CA1: variants seen among roughly 807,000 people sequenced by gnomAD.
CA1 encodes the protein carbonic anhydrase 1.
A neutral mutation model predicts 28.8 loss-of-function variants in CA1; 27 were observed. The ratio of observed to expected loss-of-function variants is 0.94; its 90% CI spans 0.69 to 1.29. The LOEUF (loss-of-function observed/expected upper bound fraction) is 1.29, where lower values mean the gene tolerates loss of function less well. Ranked by LOEUF, CA1 falls within the 50% of genes most tolerant of loss-of-function variation. The pLI, the probability that CA1 is intolerant of heterozygous loss-of-function variation, is 0.00. For synonymous variants in CA1, 121 were observed against 108.8 expected (o/e 1.11, Z -0.70); for missense variants, 335 against 310.5 (o/e 1.08, Z -0.59).
chr8:85,339,117 G>A (rs1169080505), intron 2 of CA1, among the ~76,000 whole-genome samples: 2 of 152,046 alleles, frequency 1.3e-5, no homozygotes, highest in African/African-American at 2.4e-5. Flanking sequence ...TTTATTATTA[G>A]CAATAGATTT....
At chr8:85,372,455 C>T (rs1184469543) in intron 1 of CA1, among the ~76,000 whole-genome samples, 1 of 152,168 alleles carries the variant, frequency 6.6e-6, no homozygotes, top group Non-Finnish European at 1.5e-5. Flanking sequence ...TATGGTCCAG[C>T]ATTCCACTTC....
rs1808254909 is a variant in CA1, at chr8:85,328,362, T to C, written c.*198A>G. 2 of 436,960 alleles carry C rather than the reference T, an allele frequency of 4.6e-6. No homozygotes were observed. The highest frequency in any genetic ancestry group is 8.1e-6 in the Non-Finnish European group (2 of 246,148). The allele number at this position is 436,960 out of a possible 1,614,324, so 27.1% of individuals were successfully genotyped here. A position where few individuals can be genotyped will look rare whatever the true frequency, so the allele number is the denominator to read the frequency against. On this transcript the variant is annotated 3_prime_UTR_variant, in exon 8 of 8. Transcript: ENST00000523022. ...ATAAGCTTATGCTTACAGATTACTA[T>C]TTGCTAGCTTACTAATTATTATTTG...
chr8:85,376,436 C>T (rs538175301), intron 1 of CA1, among the ~76,000 whole-genome samples: 8 of 151,830 alleles, frequency 5.3e-5, no homozygotes, highest in Non-Finnish European at 8.8e-5. Context: ...CCGAGGTAGG[C>T]GGATCATCAG....
chr8:85,355,245 A>C (rs1035179115), intron 1 of CA1, among the ~76,000 whole-genome samples: 1 of 152,210 alleles, frequency 6.6e-6, no homozygotes, highest in Non-Finnish European at 1.5e-5. Flanking sequence ...GTAGCTGCAA[A>C]GGAAGAACTG....
intron 1 of CA1, among the ~76,000 whole-genome samples, chr8:85,373,161 CTG>C (rs1810292720): frequency 6.6e-6 from 1 of 152,322 alleles, no homozygotes; most frequent in South Asian, 2.1e-4. Flanking sequence ...GCAACTCAAA[CTG>C]TAAAAGTTAC....
At position 85,328,672 on chromosome 8, in the gene CA1, G is replaced by T; in HGVS notation, c.674C>A (p.Ala225Glu). The change falls in exon 8 of 8, where the codon GCA becomes GAA. Residue 225 changes from alanine (A) to glutamate (E), a missense_variant. Ala to Glu is a moderately radical substitution (Grantham distance 107, BLOSUM62 -1). Transcript: ENST00000523022. ...ESISVSSEQL[A>E]QFRSLLSNVE... Reference sequence around the variant, plus strand: ...ATTTGATAGAAGGCTGCGGAATTGTGCCAGCTAGAAGGATAAAATATTTTA... The same window carrying T: ...ATTTGATAGAAGGCTGCGGAATTGTTCCAGCTAGAAGGATAAAATATTTTA... The T allele has an allele frequency of 6.3e-7, 1 of 1,591,828 alleles. No individual in the cohort carries two copies. The highest frequency in any genetic ancestry group is 8.6e-7 in the Non-Finnish European group (1 of 1,161,552).
intron 1 of CA1, among the ~76,000 whole-genome samples, chr8:85,359,378 G>A (rs1809711890): frequency 6.6e-6 from 1 of 152,192 alleles, no homozygotes; most frequent in Non-Finnish European, 1.5e-5. Context: ...TGGAGTATGG[G>A]GAGAATCTAT....
chr8:85,347,755 A>G (rs1487521436), intron 1 of CA1, among the ~76,000 whole-genome samples: 2 of 151,270 alleles, frequency 1.3e-5, no homozygotes, highest in Non-Finnish European at 2.9e-5. Flanking sequence ...CTTCTCAGTT[A>G]CTACTCTTGA....
At chr8:85,343,185 G>A (rs1564028573) in intron 1 of CA1, 1 of 151,972 alleles carries the variant, frequency 6.6e-6, no homozygotes, top group South Asian at 2.1e-4. Context: ...TTGCACCTAG[G>A]AGGTCCAGAC....
intron 1 of CA1, among the ~76,000 whole-genome samples, chr8:85,342,326 C>T (rs1020713188): frequency 6.6e-6 from 1 of 152,012 alleles, no homozygotes; most frequent in African/African-American, 2.4e-5. Context: ...GAATAAAGGT[C>T]TTATTTTTTA....
intron 1 of CA1, chr8:85,349,992 A>C (rs1809344272): frequency 1.3e-5 from 2 of 152,208 alleles, no homozygotes; most frequent in East Asian, 3.9e-4. Context: ...GCAAGGTTTG[A>C]ATGGAAATCC....
intron 1 of CA1, among the ~76,000 whole-genome samples, chr8:85,376,658 A>AAAATAAAT (rs200425469): frequency 0.03 from 4,152 of 140,090 alleles, 76 homozygotes; most frequent in African/African-American, 0.05. Context: ...AATTGTCTCA[A>AAAATAAAT]AAATAAATAA....
chr8:85,344,844 G>A (rs1406978706), intron 1 of CA1, among the ~76,000 whole-genome samples: 1 of 152,140 alleles, frequency 6.6e-6, no homozygotes, highest in Non-Finnish European at 1.5e-5. Flanking sequence ...AACAATAAGT[G>A]GCTTTCCTGG....
intron 1 of CA1, among the ~76,000 whole-genome samples, chr8:85,375,264 T>C (rs1810367780): frequency 6.6e-6 from 1 of 152,144 alleles, no homozygotes; most frequent in Admixed American, 6.5e-5. Flanking sequence ...GAGAGAAACC[T>C]AATTAGACAG....
Position 85,328,551 on chromosome 8 carries a change from T to C in CA1, c.*9A>G, listed in dbSNP as rs748663050. The C allele has an allele frequency of 4.6e-6, 7 of 1,516,654 alleles. No homozygotes were observed. The Admixed American group carries it at 1.2e-4, about 25-fold the overall frequency. The allele number at this position is 1,516,654 out of a possible 1,614,324, so 93.9% of individuals were successfully genotyped here. A position where few individuals can be genotyped will look rare whatever the true frequency, so the allele number is the denominator to read the frequency against. ...TTCTTGAGGAAGGACAAGTTTCTTC[T>C]CAGAATCATCAAAATGAAGCTCTCA... On this transcript the variant is annotated 3_prime_UTR_variant, in exon 8 of 8. Coordinates refer to ENST00000523022, the MANE Select transcript of CA1 (RefSeq NM_001128831.4).
At chr8:85,361,271 T>G (rs1809784896) in intron 1 of CA1, among the ~76,000 whole-genome samples, 1 of 152,120 alleles carries the variant, frequency 6.6e-6, no homozygotes, top group Non-Finnish European at 1.5e-5. Flanking sequence ...GATTTAGGAC[T>G]CCTCCAAATC....
chr8:85,371,981 T>G (rs1295900426), intron 1 of CA1, among the ~76,000 whole-genome samples: 1 of 152,134 alleles, frequency 6.6e-6, no homozygotes, highest in Non-Finnish European at 1.5e-5. Context: ...AGTGAGGAGC[T>G]CATAATGTTG....
At chr8:85,356,447 A>T (rs1291339316) in intron 1 of CA1, among the ~76,000 whole-genome samples, 1 of 152,138 alleles carries the variant, frequency 6.6e-6, no homozygotes, top group Non-Finnish European at 1.5e-5. Flanking sequence ...AAAATGTTTT[A>T]TAAATTGCAA....
chr8:85,367,129 A>G (rs1810037249), intron 1 of CA1, among the ~76,000 whole-genome samples: 1 of 152,072 alleles, frequency 6.6e-6, no homozygotes, highest in Admixed American at 6.5e-5. Flanking sequence ...AAAAATTAAA[A>G]TTATTCTTGC....
Sources: gnomAD v4.1 joint callset for allele counts (sites outside exome capture counted in the v4.1 genomes callset) on GRCh38, gnomAD v4.1.1 for gene constraint, MANE v1.5 for transcripts, NCBI Gene and HGNC (gene_info 2026-07-23, HGNC 2026-07-21) for gene names.